SEMA3A: variants seen among roughly 807,000 people sequenced by gnomAD.
The protein encoded by SEMA3A is semaphorin 3A.
Under a neutral mutation model 97.9 loss-of-function variants are expected in SEMA3A, and 29 were observed. The observed-to-expected ratio is 0.30, with a 90% confidence interval of 0.22 to 0.40. The LOEUF is 0.40. Ranked by LOEUF, SEMA3A falls within the 10% of genes least tolerant of loss-of-function variation. The probability of loss-of-function intolerance (pLI) is 1.00; values close to 1 mark genes in which losing one functional copy is unlikely to be tolerated. For synonymous variants in SEMA3A, 321 were observed against 323.7 expected (o/e 0.99, Z 0.09); for missense variants, 763 against 951.3 (o/e 0.80, Z 2.60).
At chr7:84,119,794 G>A (rs1373132044) in intron 3 of SEMA3A, among the ~76,000 whole-genome samples, 2 of 152,034 alleles carry the variant, frequency 1.3e-5, no homozygotes, top group African/African-American at 4.8e-5. Context: ...CTAAATATGA[G>A]GTAAGAAGAT....
At chr7:84,016,542 AAAAAAAAAAG>A in intron 6 of SEMA3A, among the ~76,000 whole-genome samples, 1 of 151,816 alleles carries the variant, frequency 6.6e-6, no homozygotes, top group East Asian at 1.9e-4. Flanking sequence ...TGTCTCAAAA[AAAAAAAAAAG>A]AAAAAAAAAG....
At chr7:84,175,572 C>A (rs553899462) in intron 1 of SEMA3A, among the ~76,000 whole-genome samples, 27 of 152,244 alleles carry the variant, frequency 1.8e-4, no homozygotes, top group African/African-American at 6.3e-4. Flanking sequence ...TCATTTAAGA[C>A]ACTGGTTCTA....
chr7:84,439,129 C>T (rs1371808369), intron 1 of SEMA3A, among the ~76,000 whole-genome samples: 1 of 151,758 alleles, frequency 6.6e-6, no homozygotes, highest in Non-Finnish European at 1.5e-5. Context: ...CATTAACTAC[C>T]TGTACTTCTT....
At chr7:84,033,674 C>T (rs1450880361) in intron 6 of SEMA3A, among the ~76,000 whole-genome samples, 2 of 152,098 alleles carry the variant, frequency 1.3e-5, no homozygotes, top group Non-Finnish European at 2.9e-5. Context: ...ACAAAAACCA[C>T]TTTTATGTCG....
At chr7:84,345,966 G>A (rs940755496) in intron 2 of SEMA3A, among the ~76,000 whole-genome samples, 2 of 152,202 alleles carry the variant, frequency 1.3e-5, no homozygotes, top group African/African-American at 2.4e-5. Context: ...CCATTAGACA[G>A]TTTTTTCATC....
chr7:84,326,347 G>A (rs1801775591), intron 2 of SEMA3A, among the ~76,000 whole-genome samples: 1 of 151,998 alleles, frequency 6.6e-6, no homozygotes. Flanking sequence ...ATAAACCAAA[G>A]TTAAGTGTTC....
At chr7:83,981,762 G>A (rs1789425077) in intron 13 of SEMA3A, among the ~76,000 whole-genome samples, 1 of 152,096 alleles carries the variant, frequency 6.6e-6, no homozygotes, top group South Asian at 2.1e-4. Flanking sequence ...AATGTTCAAA[G>A]CTACAAGTTT....
At chr7:83,993,571 A>G (rs1263080735) in intron 12 of SEMA3A, among the ~76,000 whole-genome samples, 2 of 149,558 alleles carry the variant, frequency 1.3e-5, no homozygotes, top group African/African-American at 5.0e-5. Flanking sequence ...TCCTTCGCTT[A>G]TGAAGCTTAC....
rs1788455590 is a variant in SEMA3A at position 83,961,185 on chromosome 7, G to GA, written c.*185dup. ...GTTCTCTGTTAGGTGGTGGTATTAG[G>GA]AAAAAAAGCCTATTAGGAAAGTTAC... is the stretch of plus-strand genomic sequence containing the variant. On this transcript the variant is annotated 3_prime_UTR_variant, in exon 17 of 17. Coordinates refer to ENST00000265362, the MANE Select transcript of SEMA3A (RefSeq NM_006080.3). 6 of 602,428 alleles carry GA rather than the reference G, an allele frequency of 1.0e-5. No individual in the cohort carries two copies. The highest frequency in any genetic ancestry group is 2.0e-5 in the South Asian group (1 of 50,128). The allele number at this position is 602,428 out of a possible 1,614,324, so 37.3% of individuals were successfully genotyped here.
rs1408013451 is a variant in SEMA3A at position 84,306,955 on chromosome 7, A to C, written c.-83+252T>G. 3.3e-5 allele frequency among the ~76,000 whole-genome samples: 5 copies of C among 151,960 alleles called. 1 individual carries two copies. The highest frequency in any genetic ancestry group is 1.2e-4 in the African/African-American group (5 of 41,466). On this transcript the variant is annotated intron_variant, in intron 3 of 3. Coordinates refer to the SEMA3A transcript ENST00000424555. ...CCCAAGTCTGGAGATTTTTTTTTTT[A>C]AACCAAAATGGTAGCAATCCACCTC...
intron 3 of SEMA3A, among the ~76,000 whole-genome samples, chr7:84,280,108 G>A (rs539439448): frequency 6.6e-6 from 1 of 152,002 alleles, no homozygotes; most frequent in Non-Finnish European, 1.5e-5. Flanking sequence ...ATGTTGCCTT[G>A]GCTTGTCTCA....
chr7:84,081,330 T>A lies in SEMA3A; in HGVS notation c.454-20772A>T, dbSNP rs149678608. Among the ~76,000 whole-genome samples, 18 of 152,140 alleles carry A rather than the reference T, an allele frequency of 1.2e-4. 1 individual carries two copies. In the South Asian group the frequency reaches 3.5e-3, roughly 30 times the overall value. ...TTGTAGGGCCGGGCGCGGTGGCTCA[T>A]GCCTGTAATCCCAGCACTTTGGGAG... On this transcript the variant is annotated intron_variant, in intron 4 of 16. Transcript: ENST00000265362.
chr7:84,176,509 A>C (rs1346597815), intron 1 of SEMA3A, among the ~76,000 whole-genome samples: 2 of 152,284 alleles, frequency 1.3e-5, no homozygotes, highest in South Asian at 4.1e-4. Context: ...ATGGAACATC[A>C]CTAGGGTGCC....
chr7:84,321,791 G>A (rs941618981), intron 2 of SEMA3A, among the ~76,000 whole-genome samples: 6 of 148,624 alleles, frequency 4.0e-5, no homozygotes, highest in Middle Eastern at 3.4e-3. Flanking sequence ...CAGGTGAATC[G>A]TGTGAACCGG....
At chr7:84,072,967 C>A (rs141945664) in intron 4 of SEMA3A, among the ~76,000 whole-genome samples, 1 of 151,938 alleles carries the variant, frequency 6.6e-6, no homozygotes, top group Non-Finnish European at 1.5e-5. Context: ...AATAAGAATT[C>A]GATAACATCT....
intron 1 of SEMA3A, among the ~76,000 whole-genome samples, chr7:84,144,241 A>G (rs1184204432): frequency 2.0e-5 from 3 of 152,078 alleles, no homozygotes; most frequent in African/African-American, 7.2e-5. Flanking sequence ...AAGTCAAAAC[A>G]ACAAAAATCA....
chr7:84,488,581 G>A (rs373385301), intron 1 of SEMA3A, among the ~76,000 whole-genome samples: 2 of 151,956 alleles, frequency 1.3e-5, no homozygotes, highest in East Asian at 3.9e-4. Context: ...GCCAGACATC[G>A]CTGGGTTGGA....
intron 1 of SEMA3A, among the ~76,000 whole-genome samples, chr7:84,436,921 T>C (rs115124217): frequency 0.016 from 2,424 of 152,270 alleles, 77 homozygotes; most frequent in African/African-American, 0.055. Flanking sequence ...AATGAAAAAT[T>C]ACTTTTTTCG....
chr7:84,090,804 C>T (rs965364469), intron 4 of SEMA3A, among the ~76,000 whole-genome samples: 4 of 151,528 alleles, frequency 2.6e-5, no homozygotes, highest in Non-Finnish European at 5.9e-5. Flanking sequence ...TGGTGGCTCA[C>T]GCCTGTAATC....
Sources: gnomAD v4.1 joint callset for allele counts (sites outside exome capture counted in the v4.1 genomes callset) on GRCh38, gnomAD v4.1.1 for gene constraint, MANE v1.5 for transcripts, NCBI Gene and HGNC (gene_info 2026-07-23, HGNC 2026-07-21) for gene names.